Variants in HMGB1 observed in about 807,000 individuals in gnomAD.
HMGB1 encodes the protein high mobility group box 1, also known as high mobility group protein B1.
For missense variants in HMGB1, 79 were observed against 253.5 expected, an observed-to-expected ratio of 0.31 and a Z score of 4.67; for synonymous variants, 81 against 84.0, an observed-to-expected ratio of 0.96 and a Z score of 0.19.
intron 4 of HMGB1, chr13:30,461,785 G>GTACATAAT: frequency 2.6e-6 from 2 of 764,548 alleles, no homozygotes; most frequent in Non-Finnish European, 4.2e-6. Flanking sequence ...CCTCATTGAG[G>GTACATAAT]TGCAATTATG....
rs1313340093 is a variant in HMGB1 at position 30,461,449 on chromosome 13, C to G, written c.556G>C (p.Glu186Gln). The G allele has an allele frequency of 6.3e-7, 1 of 1,577,726 alleles. No individual in the cohort carries two copies. The highest frequency in any genetic ancestry group is 1.8e-5 in the Admixed American group (1 of 54,894). Reference protein sequence around the residue: ...VKAEKSKKKKEEEEDEEDEED... With the variant: ...VKAEKSKKKKQEEEDEEDEED... ...TCATCTTCCTCATCTTCCTCCTCTT[C>G]CTTCTTTTTCTTGCTTTTTTCAGCC... Residue 186 changes from glutamate (E) to glutamine (Q), a missense_variant, in exon 5 of 5, where the codon GAA becomes CAA. Glu to Gln is a conservative substitution (Grantham distance 29). Transcript: ENST00000341423.
chr13:30,462,861 T>C, intron 3 of HMGB1, 149 bp from the exon 4 acceptor site: 1 of 673,068 alleles, frequency 1.5e-6, no homozygotes, highest in Non-Finnish European at 2.5e-6. Flanking sequence ...CTAAATATCC[T>C]TCACAACCAA....
intron 1 of HMGB1, among the ~76,000 whole-genome samples, chr13:30,531,035 AC>A (rs1346568043): frequency 2.0e-5 from 3 of 152,112 alleles, no homozygotes; most frequent in African/African-American, 4.8e-5. Flanking sequence ...CAAGAGTGAG[AC>A]CCTGTCTCAA....
intron 1 of HMGB1, among the ~76,000 whole-genome samples, chr13:30,482,356 A>C (rs544652746): frequency 1.3e-5 from 2 of 152,344 alleles, no homozygotes; most frequent in East Asian, 1.9e-4. Context: ...GTAAAGACCA[A>C]GCTCATGTTT....
At chr13:30,609,071 C>T (rs1050206483) in intron 1 of HMGB1, among the ~76,000 whole-genome samples, 1 of 149,452 alleles carries the variant, frequency 6.7e-6, no homozygotes, top group African/African-American at 2.4e-5. Flanking sequence ...ACCATCCTGG[C>T]TAACACGGTG....
chr13:30,499,941 G>T (rs1379282530), intron 1 of HMGB1, among the ~76,000 whole-genome samples: 1 of 152,200 alleles, frequency 6.6e-6, no homozygotes, highest in Non-Finnish European at 1.5e-5. Context: ...TCTCCCCAAA[G>T]TTCCTGTCTT....
intron 1 of HMGB1, among the ~76,000 whole-genome samples, chr13:30,470,974 TTTAA>T (rs1415959605): frequency 2.0e-5 from 3 of 150,456 alleles, no homozygotes; most frequent in South Asian, 2.1e-4. Flanking sequence ...TTTATTTATA[TTTAA>T]TTAATTAATT....
At chr13:30,573,883 G>A (rs1003306623) in intron 1 of HMGB1, among the ~76,000 whole-genome samples, 3 of 152,086 alleles carry the variant, frequency 2.0e-5, no homozygotes, top group African/African-American at 4.8e-5. Flanking sequence ...GGAACTCCTG[G>A]TCTCAAGTGA....
intron 1 of HMGB1, among the ~76,000 whole-genome samples, chr13:30,482,785 T>TTTG (rs1887262602): frequency 7.0e-6 from 1 of 143,640 alleles, no homozygotes; most frequent in Non-Finnish European, 1.6e-5. Context: ...ACCAATTTTT[T>TTTG]TTTTTGTTGT....
At chr13:30,570,539 T>C (rs1170423768) in intron 1 of HMGB1, among the ~76,000 whole-genome samples, 1 of 152,206 alleles carries the variant, frequency 6.6e-6, no homozygotes, top group Non-Finnish European at 1.5e-5. Context: ...CGCTGACACA[T>C]AGGGGTCTAC....
At position 30,501,507 on chromosome 13, in the gene HMGB1, C is replaced by T. The variant is rs148430160; in HGVS notation, c.-14-37813G>A. Among the ~76,000 whole-genome samples, 21 of 151,934 alleles carry T rather than the reference C, an allele frequency of 1.4e-4. No individual in the cohort carries two copies. In the East Asian group the frequency reaches 3.9e-3, roughly 28 times the overall value. On this transcript the variant is annotated intron_variant, in intron 1 of 4. Coordinates refer to the HMGB1 transcript ENST00000405805. ...AGGATCTCCAAAAGGCTTAAGAACC[C>T]CTGTTTTAGAAGAAGGGTAAGATTA...
intron 1 of HMGB1, among the ~76,000 whole-genome samples, chr13:30,611,888 G>T (rs947891234): frequency 3.4e-5 from 5 of 148,188 alleles, no homozygotes; most frequent in African/African-American, 1.2e-4. Flanking sequence ...AAAGTTAATA[G>T]CTTTCTCAAT....
At chr13:30,535,627 C>T (rs1268078863) in intron 1 of HMGB1, among the ~76,000 whole-genome samples, 6 of 152,198 alleles carry the variant, frequency 3.9e-5, no homozygotes, top group East Asian at 1.9e-4. Context: ...CAGGGACTCA[C>T]GCCTGTAATC....
chr13:30,545,339 C>T (rs1315809120), intron 1 of HMGB1, among the ~76,000 whole-genome samples: 6 of 150,950 alleles, frequency 4.0e-5, no homozygotes, highest in Non-Finnish European at 8.9e-5. Flanking sequence ...AATTAGAGTG[C>T]CGGCTGCTCT....
At chr13:30,563,824 T>G (rs1270901955) in intron 1 of HMGB1, among the ~76,000 whole-genome samples, 1 of 152,194 alleles carries the variant, frequency 6.6e-6, no homozygotes, top group East Asian at 1.9e-4. Context: ...GATGCCTCAT[T>G]GCTAATGAAG....
chr13:30,538,588 T>C (rs1180236889), intron 1 of HMGB1, among the ~76,000 whole-genome samples: 3 of 144,676 alleles, frequency 2.1e-5, no homozygotes, highest in African/African-American at 8.1e-5. Flanking sequence ...TTCTTTCTTT[T>C]TCTTTCTTCT....
At chr13:30,523,089 T>A (rs1888276477) in intron 1 of HMGB1, among the ~76,000 whole-genome samples, 1 of 152,172 alleles carries the variant, frequency 6.6e-6, no homozygotes. Flanking sequence ...TGGTCTACTT[T>A]TGGTACAACA....
chr13:30,511,137 T>A (rs7983132), intron 1 of HMGB1, among the ~76,000 whole-genome samples: 1 of 152,196 alleles, frequency 6.6e-6, no homozygotes, highest in Non-Finnish European at 1.5e-5. Flanking sequence ...ATACCTGAAA[T>A]GCTGCCAGTA....
chr13:30,558,811 T>C (rs1389533946), intron 1 of HMGB1, among the ~76,000 whole-genome samples: 1 of 152,224 alleles, frequency 6.6e-6, no homozygotes, highest in East Asian at 1.9e-4. Context: ...ATGCAAATTC[T>C]TGGGCCCCAC....
Sources: gnomAD v4.1 joint callset for allele counts (sites outside exome capture counted in the v4.1 genomes callset) on GRCh38, gnomAD v4.1.1 for gene constraint, MANE v1.5 for transcripts, NCBI Gene and HGNC (gene_info 2026-07-23, HGNC 2026-07-21) for gene names.